CHAF1A: variants seen among roughly 807,000 people sequenced by gnomAD.
CHAF1A encodes CAF-1 subunit A.
In CHAF1A, 5 loss-of-function variants were observed where a neutral mutation model predicts 93.2. The observed-to-expected ratio is 0.05, with a 90% CI of 0.03 to 0.11. The LOEUF is 0.11. Among genes scored for constraint, CHAF1A ranks in the 10% least tolerant of loss-of-function variants. The pLI is 1.00. For missense variants in CHAF1A, 1,102 were observed against 1,259.9 expected, an observed-to-expected ratio of 0.87 and a Z score of 1.90; for synonymous variants, 504 against 510.3, an observed-to-expected ratio of 0.99 and a Z score of 0.17.
downstream of CHAF1A, among the ~76,000 whole-genome samples, chr19:4,444,014 G>A (rs1396210956): frequency 6.6e-6 from 1 of 152,200 alleles, no homozygotes; most frequent in Non-Finnish European, 1.5e-5. Flanking sequence ...AGGGCGCCCG[G>A]GCCAGGCCTT....
chr19:4,435,558 C>G (rs1974268928), intron 13 of CHAF1A, among the ~76,000 whole-genome samples: 1 of 152,064 alleles, frequency 6.6e-6, no homozygotes, highest in Admixed American at 6.6e-5. Flanking sequence ...TCTGTAGAAA[C>G]AGGGTTTCAC....
chr19:4,423,775 T>C (rs895956060), intron 6 of CHAF1A, 31 bp from the exon 7 acceptor site: 1 of 1,606,740 alleles, frequency 6.2e-7, no homozygotes, highest in Admixed American at 1.7e-5. Flanking sequence ...CTTCCTCTCC[T>C]CTTTCTCATC....
At chr19:4,434,325 G>T (rs539327272) in intron 13 of CHAF1A, among the ~76,000 whole-genome samples, 3 of 152,130 alleles carry the variant, frequency 2.0e-5, no homozygotes, top group Admixed American at 6.6e-5. Context: ...CAACCTGGGC[G>T]ACAGAGCAAG....
intron 2 of CHAF1A, among the ~76,000 whole-genome samples, chr19:4,407,592 A>C (rs1052366704): frequency 6.6e-6 from 1 of 152,188 alleles, no homozygotes; most frequent in Non-Finnish European, 1.5e-5. Context: ...AAATAAACAA[A>C]TGTCTCTTGA....
At position 4,422,269 on chromosome 19, in the gene CHAF1A, C is replaced by T. The variant is rs956325436; in HGVS notation, c.1018-297C>T. Reference sequence around the variant, plus strand: ...CCTCAGGTGATCCACTTGCCTCGGCCTCCCAAAGTGCTGGGATTACAGGCG... The same window carrying T: ...CCTCAGGTGATCCACTTGCCTCGGCTTCCCAAAGTGCTGGGATTACAGGCG... On this transcript the variant is annotated intron_variant, in intron 4 of 14. Coordinates refer to ENST00000301280, the MANE Select transcript of CHAF1A (RefSeq NM_005483.3). The surrounding 1 kb of genome is among the most constrained non-coding windows in gnomAD (Gnocchi z 4.6). 2.0e-5 allele frequency among the ~76,000 whole-genome samples: 3 copies of T among 152,186 alleles called. No homozygotes were observed. The highest frequency in any genetic ancestry group is 2.9e-5 in the Non-Finnish European group (2 of 68,024).
downstream of CHAF1A, chr19:4,448,225 TAA>T: frequency 8.6e-7 from 1 of 1,165,238 alleles, no homozygotes; most frequent in South Asian, 1.4e-5. Flanking sequence ...CCTCAGCAGG[TAA>T]TGAGGGGGCC....
At chr19:4,404,303 G>GGA (rs1973641761) in intron 1 of CHAF1A, among the ~76,000 whole-genome samples, 1 of 152,158 alleles carries the variant, frequency 6.6e-6, no homozygotes, top group Non-Finnish European at 1.5e-5. Context: ...GATTGGGAGT[G>GGA]TCCCGTTTTA....
intron 13 of CHAF1A, among the ~76,000 whole-genome samples, chr19:4,438,153 T>C (rs1434806688): frequency 6.6e-6 from 1 of 152,094 alleles, no homozygotes; most frequent in Non-Finnish European, 1.5e-5. Context: ...GTTTGGTGTA[T>C]AGATGATTTA....
downstream of CHAF1A, chr19:4,445,205 T>A (rs967636097): frequency 7.7e-6 from 3 of 387,102 alleles, no homozygotes; most frequent in African/African-American, 4.2e-5. Context: ...AGATGCCACG[T>A]GTGTCTGTCC....
At chr19:4,447,622 G>A (rs1260545650), downstream of CHAF1A, 2 of 1,613,892 alleles carry the variant, frequency 1.2e-6, no homozygotes, top group Non-Finnish European at 8.5e-7. Context: ...TGTTGTCCAG[G>A]TACCTGGGGT....
At chr19:4,417,879 A>G (rs189072978) in intron 3 of CHAF1A, 141 bp from the exon 4 acceptor site, 19 of 574,232 alleles carry the variant, frequency 3.3e-5, no homozygotes, top group South Asian at 1.1e-4. Context: ...ACACACATGT[A>G]TGCACACTTA....
chr19:4,433,305 C>A lies in CHAF1A; in HGVS notation c.2439C>A (p.Asp813Glu), dbSNP rs764758650. 2 of 1,614,190 alleles carry A rather than the reference C, an allele frequency of 1.2e-6. No homozygotes were observed. The highest frequency in any genetic ancestry group is 2.2e-5 in the South Asian group (2 of 91,086). The change falls in exon 13 of 15, where the codon GAC becomes GAA. Residue 813 changes from aspartate (D) to glutamate (E), a missense_variant. Physicochemically the swap from Asp to Glu is conservative, Grantham distance 45. This residue lies in a region of CHAF1A where 76 missense variants were observed against 129.8 expected (regional missense o/e 0.59). Coordinates refer to ENST00000301280, the MANE Select transcript of CHAF1A (RefSeq NM_005483.3). This position sits in a 1 kb window ranked among gnomAD's most constrained non-coding sequence, Gnocchi z 5.6. ...ACTCAGTGTATGAGAAGCGGCCTGA[C>A]TTCAGGATGTGCTGGTACGTGCACC... ...SENSVYEKRP[D>E]FRMCWYVHPQ...
chr19:4,424,216 A>G (rs529004195), intron 7 of CHAF1A, among the ~76,000 whole-genome samples: 1 of 152,328 alleles, frequency 6.6e-6, no homozygotes, highest in South Asian at 2.1e-4. Flanking sequence ...CAACAGTACA[A>G]TTCACAAAGG....
At chr19:4,450,270 C>A in the CHAF1A span, 2 of 150,014 alleles carry the variant, frequency 1.3e-5, no homozygotes, top group Admixed American at 6.6e-5. Flanking sequence ...AGAATTCTCT[C>A]AGCATGGAAA....
At chr19:4,412,741 T>A (rs1361771890) in intron 3 of CHAF1A, among the ~76,000 whole-genome samples, 1 of 152,200 alleles carries the variant, frequency 6.6e-6, no homozygotes, top group Non-Finnish European at 1.5e-5. Context: ...CGCTAGATCT[T>A]GTTCTGAACA....
chr19:4,407,844 A>G (rs1190498267), intron 2 of CHAF1A, among the ~76,000 whole-genome samples: 1 of 152,060 alleles, frequency 6.6e-6, no homozygotes, highest in Non-Finnish European at 1.5e-5. Flanking sequence ...GCTACTTGAG[A>G]AGCTGAGGCA....
rs538257633 is a variant in CHAF1A, at chr19:4,441,603, C to A, written c.2674-642C>A. On this transcript the variant is annotated intron_variant, in intron 13 of 14. Transcript: ENST00000301280. Reference sequence around the variant, plus strand: ...AGCCTCAGTGACAGAGTGAAACTCCCGTCTCAAAAATAAAAAATAAAGGCC... The same window carrying A: ...AGCCTCAGTGACAGAGTGAAACTCCAGTCTCAAAAATAAAAAATAAAGGCC... 1.7e-4 allele frequency among the ~76,000 whole-genome samples: 25 copies of A among 144,600 alleles called. 1 individual carries two copies. The highest frequency in any genetic ancestry group is 6.4e-4 in the African/African-American group (25 of 38,796). The allele number at this position is 144,600 out of a possible 152,430, so 94.9% of individuals were successfully genotyped here.
At chr19:4,420,230 G>T (rs1229049760) in intron 4 of CHAF1A, among the ~76,000 whole-genome samples, 1 of 148,992 alleles carries the variant, frequency 6.7e-6, no homozygotes. Context: ...CACCTGTGGA[G>T]CTGGGCAGGT....
Position 4,429,711 on chromosome 19 carries a change from C to T in CHAF1A, c.1777C>T (p.Leu593Phe), listed in dbSNP as rs753833500. The T allele has an allele frequency of 6.2e-6, 10 of 1,614,092 alleles. 1 individual carries two copies. In the South Asian group the frequency reaches 1.1e-4, roughly 18 times the overall value. ...TCCCATGTGTTTCTTTTCTCAGAAGCTCCTGGACTATGAGGTGGACAGTGA... is the reference window on the plus strand; with the variant it reads ...TCCCATGTGTTTCTTTTCTCAGAAGTTCCTGGACTATGAGGTGGACAGTGA... ...ARDPWAQDTK[L>F]LDYEVDSDEE... is the part of the protein sequence containing the mutation. Residue 593 changes from leucine (L) to phenylalanine (F), a missense_variant, in exon 10 of 15, where the codon CTC (leucine) becomes TTC (phenylalanine). Transcript: ENST00000301280.
Sources: allele counts gnomAD v4.1 joint callset (sites outside exome capture counted in the v4.1 genomes callset), GRCh38; gene constraint gnomAD v4.1.1; regional missense constraint gnomAD v4.1.1; non-coding constraint Gnocchi (gnomAD v3.1); transcripts MANE v1.5; gene names NCBI Gene and HGNC (gene_info 2026-07-23, HGNC 2026-07-21).